DCLRE1C: variants seen among roughly 807,000 people sequenced by gnomAD.
The protein encoded by DCLRE1C is protein artemis.
DCLRE1C carries 47 observed loss-of-function variants against 61.4 expected under a neutral mutation model. The ratio of observed to expected loss-of-function variants is 0.77; its 90% CI spans 0.61 to 0.98. DCLRE1C has a LOEUF of 0.98. DCLRE1C is among the 50% of genes least tolerant of loss of function. The probability of loss-of-function intolerance (pLI) is 0.00; values close to 1 mark genes in which losing one functional copy is unlikely to be tolerated. For synonymous variants in DCLRE1C, 337 were observed against 287.6 expected, an observed-to-expected ratio of 1.17 and a Z score of -1.74; for missense variants, 858 against 816.0, an observed-to-expected ratio of 1.05 and a Z score of -0.63.
intron 4 of DCLRE1C, among the ~76,000 whole-genome samples, chr10:14,938,843 G>T (rs1398638109): frequency 6.6e-6 from 1 of 151,930 alleles, no homozygotes; most frequent in Non-Finnish European, 1.5e-5. Context: ...TCAACACCAG[G>T]GTTCCCATCA....
Position 14,909,251 on chromosome 10 carries a change from G to A in DCLRE1C, c.1236C>T (p.His412=), listed in dbSNP as rs1367377733. Residue 412 remains histidine (H), a synonymous_variant, in exon 14 of 14, where the codon CAC becomes CAT. Transcript: ENST00000378278. ...CTGCAGTCATTGAAAATACCTCAGG[G>A]TGAAAAGTTTCCGGGTATGGAACTT... ...RHKVPYPETF[H]PEVFSMTAVS... 1.9e-6 allele frequency: 3 copies of A among 1,613,768 alleles called. No individual in the cohort carries two copies. The highest frequency in any genetic ancestry group is 1.7e-5 in the Admixed American group (1 of 59,956).
intron 12 of DCLRE1C, among the ~76,000 whole-genome samples, chr10:14,921,005 A>G (rs1837014980): frequency 6.7e-6 from 1 of 148,878 alleles, no homozygotes; most frequent in South Asian, 2.1e-4. Context: ...GATGCAGGAT[A>G]AGGAATGAAT....
exon 14 of DCLRE1C, chr10:14,898,827 C>T (rs1478488109): frequency 5.9e-6 from 1 of 169,818 alleles, no homozygotes; most frequent in African/African-American, 2.4e-5. Context: ...AGCTTCTCCC[C>T]TGTATTTTTA....
At chr10:14,944,604 C>T in intron 3 of DCLRE1C, among the ~76,000 whole-genome samples, 1 of 151,352 alleles carries the variant, frequency 6.6e-6, no homozygotes, top group Admixed American at 6.6e-5. Context: ...AGAAGGAAAA[C>T]ATATCAACAA....
chr10:14,929,018 G>A (rs1287540265), intron 9 of DCLRE1C, among the ~76,000 whole-genome samples: 1 of 152,142 alleles, frequency 6.6e-6, no homozygotes, highest in African/African-American at 2.4e-5. Flanking sequence ...GACCTCAAGA[G>A]ATCTGCCCAC....
chr10:14,935,958 C>T (rs930207950), intron 5 of DCLRE1C, among the ~76,000 whole-genome samples: 9 of 152,168 alleles, frequency 5.9e-5, no homozygotes, highest in African/African-American at 1.9e-4. Flanking sequence ...CCCCAGGCTG[C>T]AAGGCAGTGG....
chr10:14,930,369 G>C lies in DCLRE1C; in HGVS notation c.781-2217C>G, dbSNP rs184002952. Among the ~76,000 whole-genome samples the C allele has an allele frequency of 2.8e-5, 4 of 143,596 alleles. No homozygotes were observed. The East Asian group carries it at 8.5e-4, about 30-fold the overall frequency. The allele number at this position is 143,596 out of a possible 152,430, so 94.2% of individuals were successfully genotyped here. A position where few individuals can be genotyped will look rare whatever the true frequency, so the allele number is the denominator to read the frequency against. On this transcript the variant is annotated intron_variant, in intron 9 of 13. Coordinates refer to ENST00000378278, the MANE Select transcript of DCLRE1C (RefSeq NM_001033855.3). ...GCTGGTCTCGAACTCCTAGACTCAA[G>C]CGATCCACCTGCCTTGGCCTCCCAA...
chr10:14,923,443 C>A, intron 11 of DCLRE1C: 1 of 259,648 alleles, frequency 3.9e-6, no homozygotes, highest in Non-Finnish European at 7.6e-6. Flanking sequence ...TTAACAAATC[C>A]CTTTTCAAAT....
downstream of DCLRE1C, chr10:14,902,918 T>C (rs2131730165): frequency 6.5e-6 from 1 of 154,238 alleles, no homozygotes; most frequent in Middle Eastern, 3.4e-3. Context: ...TTTGGGCAAA[T>C]CTACAGTTCT....
Position 14,935,484 on chromosome 10 carries a change from T to A in DCLRE1C, c.443A>T (p.Glu148Val). The change falls in exon 6 of 14, where the codon GAG (glutamate) becomes GTG (valine). Residue 148 changes from glutamate (E) to valine (V), a missense_variant. Coordinates refer to ENST00000378278, the MANE Select transcript of DCLRE1C (RefSeq NM_001033855.3). ...GTACCTGCCCCCGGAGTGCAGAAGCTCCATTCTAGCAGCTTCTCCTTGCGC... is the reference window on the plus strand; with the variant it reads ...GTACCTGCCCCCGGAGTGCAGAAGCACCATTCTAGCAGCTTCTCCTTGCGC... Reference protein sequence around the residue: ...RLAQGEAARMELLHSGGRVKD... With the variant: ...RLAQGEAARMVLLHSGGRVKD... 6.2e-7 allele frequency: 1 copy of A among 1,613,988 alleles called. No individual in the cohort carries two copies. The highest frequency in any genetic ancestry group is 1.3e-5 in the African/African-American group (1 of 75,014).
intron 12 of DCLRE1C, among the ~76,000 whole-genome samples, chr10:14,922,430 G>C (rs1321452488): frequency 2.7e-5 from 4 of 147,438 alleles, no homozygotes; most frequent in African/African-American, 7.6e-5. Context: ...GACAGAGTGA[G>C]ACCCTGTCTA....
intron 12 of DCLRE1C, 80 bp from the exon 13 acceptor site, chr10:14,919,912 TTTTTGA>T (rs1412117105): frequency 8.2e-7 from 1 of 1,215,482 alleles, no homozygotes; most frequent in Non-Finnish European, 1.2e-6. Context: ...ATTACAAATT[TTTTTGA>T]TTTTGTTTTT....
At chr10:14,911,105 T>A (rs190819280) in intron 13 of DCLRE1C, 8 of 152,282 alleles carry the variant, frequency 5.3e-5, no homozygotes, top group African/African-American at 1.9e-4. Context: ...TTCAGTGCAC[T>A]AAGCAGCATG....
At chr10:14,900,901 A>G (rs766357239), downstream of DCLRE1C, among the ~76,000 whole-genome samples, 1 of 152,246 alleles carries the variant, frequency 6.6e-6, no homozygotes, top group South Asian at 2.1e-4. Context: ...TTGAAGCTGT[A>G]TAGTGGATAC....
At chr10:14,914,758 G>A (rs1343030450) in intron 13 of DCLRE1C, among the ~76,000 whole-genome samples, 2 of 152,074 alleles carry the variant, frequency 1.3e-5, no homozygotes, top group Non-Finnish European at 2.9e-5. Context: ...GGCCAACATG[G>A]CAAAACCCTG....
intron 11 of DCLRE1C, among the ~76,000 whole-genome samples, chr10:14,926,121 CTCATACCCATCTCGGGCA>C (rs1837933699): frequency 6.6e-6 from 1 of 152,174 alleles, no homozygotes; most frequent in South Asian, 2.1e-4. Context: ...TCTTTCCTTC[CTCATACCCATCTCGGGCA>C]TGTCCTTAGA....
At chr10:14,929,934 T>C (rs540198419) in intron 9 of DCLRE1C, among the ~76,000 whole-genome samples, 45 of 152,268 alleles carry the variant, frequency 3.0e-4, no homozygotes, top group African/African-American at 1.0e-3. Context: ...AAAAATCTTT[T>C]AAGCGGCTAG....
In DCLRE1C at chr10:14,934,910, C is replaced by T. The variant is rs535826771; in HGVS notation, c.465-135G>A. 6.4e-3 allele frequency: 4,459 copies of T among 692,812 alleles called. 14 individuals carry two copies. Among genetic ancestry groups the T allele is most frequent in the Non-Finnish European group, 8.7e-3 (3,330 of 383,484 alleles). 42.9% of individuals were successfully genotyped at this position (692,812 alleles called of 1,614,324 possible). ...TGTCTGCTCACTACCACCTCCTCCA[C>T]CTCCCGGGTTCAAGCAATTCTCCTA... On this transcript the variant is annotated intron_variant, in intron 6 of 13. Transcript: ENST00000378278.
At chr10:14,932,647 G>A (rs990793474) in intron 9 of DCLRE1C, among the ~76,000 whole-genome samples, 2 of 151,648 alleles carry the variant, frequency 1.3e-5, no homozygotes, top group Non-Finnish European at 2.9e-5. Flanking sequence ...AAAAAAAAAA[G>A]TACAGATCTG....
Sources: allele counts gnomAD v4.1 joint callset (sites outside exome capture counted in the v4.1 genomes callset), GRCh38; gene constraint gnomAD v4.1.1; transcripts MANE v1.5; gene names NCBI Gene and HGNC (gene_info 2026-07-23, HGNC 2026-07-21).